The following AKAP9 variants were observed in gnomAD, a reference collection of about 807,000 sequenced individuals.
AKAP9 encodes A-kinase anchoring protein 9.
AKAP9 carries 311 observed loss-of-function variants against 488.5 expected under a neutral mutation model. The ratio of observed to expected loss-of-function variants is 0.64; its 90% confidence interval spans 0.58 to 0.70. The LOEUF is 0.70. Ranked by LOEUF, AKAP9 falls within the 30% of genes least tolerant of loss-of-function variation. The pLI is 0.00. For missense variants in AKAP9, 4,215 were observed against 4,374.5 expected (o/e 0.96, Z 1.03); for synonymous variants, 1,462 against 1,483.5 (o/e 0.99, Z 0.33).
At chr7:92,033,807 CATATT>C (rs1563019630) in intron 16 of AKAP9, among the ~76,000 whole-genome samples, 1 of 152,192 alleles carries the variant, frequency 6.6e-6, no homozygotes, top group Non-Finnish European at 1.5e-5. Context: ...CAGTATATAT[CATATT>C]AGAGTCCTCC....
intron 3 of AKAP9, among the ~76,000 whole-genome samples, chr7:91,991,248 A>G (rs1039313147): frequency 6.6e-6 from 1 of 152,166 alleles, no homozygotes; most frequent in Admixed American, 6.5e-5. Flanking sequence ...GCTAATTGCA[A>G]TTTAGAAGTA....
rs79028208 is a variant in AKAP9 at position 92,028,466 on chromosome 7, A to G, written c.4149-1429A>G. 3.3e-3 allele frequency among the ~76,000 whole-genome samples: 506 copies of G among 152,272 alleles called. 2 individuals carry two copies. The highest frequency in any genetic ancestry group is 6.1e-3 in the Admixed American group (93 of 15,296). Reference sequence around the variant, plus strand: ...ATCAGAGCAGTATATACAAGGGACAATGAGGAAAACAGAGACAAAATAGTA... The same window carrying G: ...ATCAGAGCAGTATATACAAGGGACAGTGAGGAAAACAGAGACAAAATAGTA... On this transcript the variant is annotated intron_variant, in intron 14 of 49. Transcript: ENST00000356239.
chr7:92,091,598 C>CAAAAAAAAAAAAA lies in AKAP9; in HGVS notation c.9359-1487_9359-1486insAAAAAAAAAAAAA, dbSNP rs1352327833. On this transcript the variant is annotated intron_variant, in intron 38 of 49. Transcript: ENST00000356239. ...AAGACTCTGTCTCAAAAAAAAAAAA[C>CAAAAAAAAAAAAA]AAAAAAAAAAAACAAAGCAGAAGCA... Among the ~76,000 whole-genome samples the CAAAAAAAAAAAAA allele has an allele frequency of 1.5e-5, 2 of 131,070 alleles. 1 individual carries two copies. 86.0% of individuals were successfully genotyped at this position (131,070 alleles called of 152,430 possible).
At position 91,994,520 on chromosome 7, in the gene AKAP9, A is replaced by T. The variant is rs1798151180; in HGVS notation, c.577-101A>T. The T allele has an allele frequency of 6.0e-6, 6 of 994,330 alleles. No homozygotes were observed. The South Asian group carries it at 7.8e-5, about 13-fold the overall frequency. The allele number at this position is 994,330 out of a possible 1,614,324, so 61.6% of individuals were successfully genotyped here. On this transcript the variant is annotated intron_variant, in intron 5 of 49. Transcript: ENST00000356239. ...GTGGAAAATACTGATTACAAAGTGT[A>T]AGAATTATGCCAATGTGTTTTGAAT...
intron 1 of AKAP9, among the ~76,000 whole-genome samples, chr7:91,945,129 G>C (rs1036607653): frequency 2.6e-5 from 4 of 152,202 alleles, no homozygotes; most frequent in Non-Finnish European, 5.9e-5. Context: ...GGGAGGCTGA[G>C]GTGGGAGGAT....
At chr7:92,061,230 C>A in intron 22 of AKAP9, 30 bp from the exon 23 acceptor site, 5 of 1,608,356 alleles carry the variant, frequency 3.1e-6, no homozygotes, top group Non-Finnish European at 4.3e-6. Context: ...ACTTTATTTT[C>A]TTTTATGTAT....
At chr7:91,944,225 A>T (rs563021269) in intron 1 of AKAP9, among the ~76,000 whole-genome samples, 5 of 152,206 alleles carry the variant, frequency 3.3e-5, no homozygotes, top group Non-Finnish European at 7.3e-5. Flanking sequence ...AGGAAAAGGT[A>T]TATGTACATA....
rs1790660798 is a variant in AKAP9, at chr7:91,940,908, G to C, written c.-192G>C. On this transcript the variant is annotated 5_prime_UTR_variant, in exon 1 of 50. Coordinates refer to ENST00000356239, the MANE Select transcript of AKAP9 (RefSeq NM_005751.5). ...TGGCGGCGGCGGCGGCGGTGACGGC[G>C]CTTCCCGTGCGGCTGAGGACGATCC... 2 of 642,332 alleles carry C rather than the reference G, an allele frequency of 3.1e-6. No individual in the cohort carries two copies. The highest frequency in any genetic ancestry group is 5.6e-6 in the Non-Finnish European group (2 of 360,030). 39.8% of individuals were successfully genotyped at this position (642,332 alleles called of 1,614,324 possible).
chr7:92,104,194 T>TA (rs963004277), intron 46 of AKAP9, among the ~76,000 whole-genome samples: 4 of 116,978 alleles, frequency 3.4e-5, no homozygotes, highest in East Asian at 5.8e-4. Flanking sequence ...TTATTTATTT[T>TA]TTTTTTTTTT....
Position 92,002,673 on chromosome 7 carries a change from A to C in AKAP9, c.2756A>C (p.Glu919Ala), listed in dbSNP as rs769203768. The C allele has an allele frequency of 6.2e-7, 1 of 1,613,518 alleles. No individual in the cohort carries two copies. The highest frequency in any genetic ancestry group is 8.5e-7 in the Non-Finnish European group (1 of 1,179,702). ...TVKMKSSVFD[E>A]DKTFVAETLE... Reference sequence around the variant, plus strand: ...AAAATGAAAAGTTCTGTCTTTGATGAAGACAAAACTTTTGTAGCAGAAACA... The same window carrying C: ...AAAATGAAAAGTTCTGTCTTTGATGCAGACAAAACTTTTGTAGCAGAAACA... The change falls in exon 8 of 50, where the codon GAA (glutamate) becomes GCA (alanine). Residue 919 changes from glutamate (E) to alanine (A), a missense_variant. Around this residue, in one of 5 missense-constraint regions of AKAP9, gnomAD observed 2,361 missense variants for 2,430.0 expected, o/e 0.97. Coordinates refer to ENST00000356239, the MANE Select transcript of AKAP9 (RefSeq NM_005751.5).
At chr7:92,091,047 G>A (rs1242944139) in intron 38 of AKAP9, among the ~76,000 whole-genome samples, 1 of 152,128 alleles carries the variant, frequency 6.6e-6, no homozygotes, top group Non-Finnish European at 1.5e-5. Context: ...TTTTTCATAT[G>A]GTAATTGGCT....
intron 1 of AKAP9, among the ~76,000 whole-genome samples, chr7:91,958,049 G>A (rs1224020210): frequency 6.6e-6 from 1 of 152,128 alleles, no homozygotes; most frequent in Non-Finnish European, 1.5e-5. Flanking sequence ...AGGGAGTGAA[G>A]TCAAAAGCAA....
At chr7:92,089,577 T>C (rs570556200) in intron 38 of AKAP9, 48 bp downstream of exon 38, 1 of 1,577,714 alleles carries the variant, frequency 6.3e-7, no homozygotes, top group South Asian at 1.1e-5. Flanking sequence ...GGTGAAAAGA[T>C]TTCACTTTGT....
intron 1 of AKAP9, among the ~76,000 whole-genome samples, chr7:91,942,663 A>C (rs1790921455): frequency 6.6e-6 from 1 of 152,220 alleles, no homozygotes; most frequent in Non-Finnish European, 1.5e-5. Context: ...CAGTCCTACA[A>C]AACATGGTTT....
intron 2 of AKAP9, among the ~76,000 whole-genome samples, chr7:91,978,201 C>T (rs972234851): frequency 7.0e-6 from 1 of 142,020 alleles, no homozygotes; most frequent in African/African-American, 2.7e-5. Context: ...AAGATGATGC[C>T]GCTGCACTCC....
intron 18 of AKAP9, 128 bp from the exon 19 acceptor site, chr7:92,041,918 G>A (rs572135310): frequency 4.9e-5 from 48 of 979,736 alleles, no homozygotes; most frequent in Non-Finnish European, 6.4e-5. Flanking sequence ...AACCCCTTAC[G>A]ATGGAATATG....
chr7:92,075,021 T>C (rs1812341206), intron 28 of AKAP9, among the ~76,000 whole-genome samples: 1 of 151,900 alleles, frequency 6.6e-6, no homozygotes, highest in Non-Finnish European at 1.5e-5. Flanking sequence ...TAAAAAAGAT[T>C]AAAAAGGAAT....
At chr7:92,097,481 A>G (rs1023160052) in intron 41 of AKAP9, 105 bp from the exon 42 acceptor site, 15 of 1,498,576 alleles carry the variant, frequency 1.0e-5, no homozygotes, top group Admixed American at 1.9e-5. Flanking sequence ...AATGAAATCT[A>G]TAGAAGTTTA....
At chr7:92,063,854 C>T (rs1363463003) in intron 24 of AKAP9, among the ~76,000 whole-genome samples, 1 of 152,042 alleles carries the variant, frequency 6.6e-6, no homozygotes, top group Non-Finnish European at 1.5e-5. Context: ...GATCTCGGCT[C>T]ACTGCAACCT....
Sources: gnomAD v4.1 joint callset for allele counts (sites outside exome capture counted in the v4.1 genomes callset) on GRCh38, gnomAD v4.1.1 for gene constraint, gnomAD v4.1.1 regional missense constraint, MANE v1.5 for transcripts, NCBI Gene and HGNC (gene_info 2026-07-23, HGNC 2026-07-21) for gene names.